The following DOCK4 variants were observed in gnomAD, a reference collection of about 807,000 sequenced individuals.
DOCK4 encodes the protein dedicator of cytokinesis 4.
A neutral mutation model predicts 268.1 loss-of-function variants in DOCK4; 97 were observed. That is an observed-to-expected ratio of 0.36 (90% CI 0.31 to 0.43). DOCK4 has a LOEUF of 0.43. DOCK4 is among the 20% of genes least tolerant of loss of function. The pLI, the probability that DOCK4 is intolerant of heterozygous loss-of-function variation, is 1.00. For missense variants in DOCK4, 2,145 were observed against 2,455.7 expected (o/e 0.87, Z 2.67); for synonymous variants, 954 against 887.2 (o/e 1.08, Z -1.34).
intron 1 of DOCK4, among the ~76,000 whole-genome samples, chr7:112,045,306 G>A (rs1490433102): frequency 6.6e-6 from 1 of 152,120 alleles, no homozygotes; most frequent in Non-Finnish European, 1.5e-5. Context: ...TACAACAAGA[G>A]TTTGACCACT....
chr7:112,199,361 C>G (rs767079102), intron 1 of DOCK4, among the ~76,000 whole-genome samples: 54 of 152,252 alleles, frequency 3.5e-4, no homozygotes, highest in Middle Eastern at 6.8e-3. Flanking sequence ...ATAAAAGTTT[C>G]CAAAAGGATC....
intron 13 of DOCK4, among the ~76,000 whole-genome samples, chr7:111,914,209 C>T (rs942750174): frequency 6.6e-6 from 1 of 152,146 alleles, no homozygotes; most frequent in Non-Finnish European, 1.5e-5. Context: ...ACAGGTCTTA[C>T]TCTCGCCATC....
At chr7:112,040,373 G>A (rs182397091) in intron 1 of DOCK4, among the ~76,000 whole-genome samples, 1 of 152,240 alleles carries the variant, frequency 6.6e-6, no homozygotes, top group East Asian at 1.9e-4. Flanking sequence ...GCCCCAAACA[G>A]AAGAAATACT....
intron 44 of DOCK4, among the ~76,000 whole-genome samples, chr7:111,743,250 G>A (rs1299629302): frequency 3.3e-5 from 5 of 152,134 alleles, no homozygotes; most frequent in Non-Finnish European, 5.9e-5. Context: ...CCATAGACTG[G>A]GAGGAAAACG....
At chr7:112,141,519 T>A (rs1814927997) in intron 1 of DOCK4, among the ~76,000 whole-genome samples, 1 of 152,130 alleles carries the variant, frequency 6.6e-6, no homozygotes, top group Non-Finnish European at 1.5e-5. Flanking sequence ...AACACTGAGA[T>A]TTCCCTGAAG....
chr7:111,756,837 T>G (rs1250278548), intron 41 of DOCK4, among the ~76,000 whole-genome samples: 3 of 151,862 alleles, frequency 2.0e-5, no homozygotes, highest in Non-Finnish European at 4.4e-5. Flanking sequence ...TGACAAGAGC[T>G]CGCAGTGTTC....
chr7:111,739,987 G>C, intron 47 of DOCK4: 1 of 297,642 alleles, frequency 3.4e-6, no homozygotes, highest in Non-Finnish European at 6.8e-6. Flanking sequence ...GAGTTATACT[G>C]GCTCTAAAAT....
rs950430485 is a variant in DOCK4, at chr7:111,739,040, T to C, written c.5232+94A>G. ...GATTGGTCTGACACTGCCCAGCTGCTTGCTTTTGGCAGCTACCGCGTGTTT... is the reference window on the plus strand; with the variant it reads ...GATTGGTCTGACACTGCCCAGCTGCCTGCTTTTGGCAGCTACCGCGTGTTT... On this transcript the variant is annotated intron_variant, in intron 49 of 52. Coordinates refer to ENST00000428084, the MANE Select transcript of DOCK4 (RefSeq NM_001363540.2). 11 of 1,034,602 alleles carry C rather than the reference T, an allele frequency of 1.1e-5. No individual in the cohort carries two copies. In the African/African-American group the frequency reaches 1.6e-4, roughly 15 times the overall value. 64.1% of individuals were successfully genotyped at this position (1,034,602 alleles called of 1,614,324 possible).
chr7:112,032,442 A>G (rs1803362988), intron 1 of DOCK4, among the ~76,000 whole-genome samples: 1 of 152,204 alleles, frequency 6.6e-6, no homozygotes, highest in Admixed American at 6.5e-5. Flanking sequence ...TTCACATATC[A>G]CTATAATGAT....
chr7:112,068,096 T>G (rs1174441009), intron 1 of DOCK4, among the ~76,000 whole-genome samples: 1 of 152,154 alleles, frequency 6.6e-6, no homozygotes, highest in Non-Finnish European at 1.5e-5. Context: ...CCAGATCTCT[T>G]TGTTCACACA....
chr7:111,927,884 C>T (rs1793860737), intron 12 of DOCK4, among the ~76,000 whole-genome samples: 1 of 152,124 alleles, frequency 6.6e-6, no homozygotes, highest in African/African-American at 2.4e-5. Flanking sequence ...ATAAGAAGTG[C>T]CCTCCGTATA....
intron 1 of DOCK4, among the ~76,000 whole-genome samples, chr7:112,121,911 G>C (rs919012814): frequency 6.6e-6 from 1 of 152,110 alleles, no homozygotes; most frequent in East Asian, 1.9e-4. Flanking sequence ...TTGAATTACA[G>C]AGTATATAGT....
chr7:111,792,377 T>TTTG (rs1054723271), intron 30 of DOCK4, among the ~76,000 whole-genome samples: 20 of 152,002 alleles, frequency 1.3e-4, no homozygotes, highest in African/African-American at 3.1e-4. Flanking sequence ...TTAGAGGGTT[T>TTTG]TTGTTGTTGT....
intron 1 of DOCK4, among the ~76,000 whole-genome samples, chr7:112,103,498 C>A (rs538807465): frequency 3.9e-5 from 6 of 152,308 alleles, no homozygotes; most frequent in African/African-American, 1.4e-4. Flanking sequence ...CAAATTAGGG[C>A]TGCAGTATAT....
At chr7:112,085,468 T>C (rs1808991017) in intron 1 of DOCK4, among the ~76,000 whole-genome samples, 1 of 152,114 alleles carries the variant, frequency 6.6e-6, no homozygotes, top group Non-Finnish European at 1.5e-5. Flanking sequence ...GATTCATTAC[T>C]GCCGGTTGCC....
intron 1 of DOCK4, among the ~76,000 whole-genome samples, chr7:112,099,248 T>G (rs1477345434): frequency 6.8e-6 from 1 of 147,018 alleles, no homozygotes; most frequent in Non-Finnish European, 1.5e-5. Context: ...GCTGAGTTCG[T>G]GCCATTGCAT....
At position 111,850,272 on chromosome 7, in the gene DOCK4, G is replaced by C. The variant is rs146665913; in HGVS notation, c.2474-3146C>G. Among the ~76,000 whole-genome samples, 1,469 of 151,976 alleles carry C rather than the reference G, an allele frequency of 9.7e-3. 20 individuals carry two copies. The highest frequency in any genetic ancestry group is 0.031 in the African/African-American group (1,289 of 41,418). ...CCTGTCCTCAGCGAGAATCCTGTTA[G>C]GTCACTTTAACCAGAATCTGCACAC... On this transcript the variant is annotated intron_variant, in intron 23 of 52. Transcript: ENST00000428084.
intron 31 of DOCK4, among the ~76,000 whole-genome samples, chr7:111,790,098 A>C (rs942110984): frequency 6.6e-6 from 1 of 152,196 alleles, no homozygotes; most frequent in African/African-American, 2.4e-5. Context: ...TGCCAAATAC[A>C]ATGTGCAGAC....
intron 39 of DOCK4, among the ~76,000 whole-genome samples, chr7:111,764,625 A>G (rs1797656939): frequency 6.6e-6 from 1 of 152,194 alleles, no homozygotes; most frequent in Non-Finnish European, 1.5e-5. Context: ...TTCTCTTTGT[A>G]GAAATGGAGT....
Sources: gnomAD v4.1 joint callset for allele counts (sites outside exome capture counted in the v4.1 genomes callset) on GRCh38, gnomAD v4.1.1 for gene constraint, MANE v1.5 for transcripts, NCBI Gene and HGNC (gene_info 2026-07-23, HGNC 2026-07-21) for gene names.